GALNTL6: variants seen among roughly 807,000 people sequenced by gnomAD.
The protein encoded by GALNTL6 is polypeptide N-acetylgalactosaminyltransferase like 6.
Under a neutral mutation model 73.7 loss-of-function variants are expected in GALNTL6, and 46 were observed. The ratio of observed to expected loss-of-function variants is 0.62; its 90% CI spans 0.49 to 0.80. The LOEUF is 0.80. Among genes scored for constraint, GALNTL6 ranks in the 30% least tolerant of loss-of-function variants. The pLI, the probability that GALNTL6 is intolerant of heterozygous loss-of-function variation, is 0.00. For synonymous variants in GALNTL6, 259 were observed against 263.7 expected, an observed-to-expected ratio of 0.98 and a Z score of 0.17; for missense variants, 604 against 755.0, an observed-to-expected ratio of 0.80 and a Z score of 2.34.
At chr4:172,492,368 G>A (rs997805653) in intron 5 of GALNTL6, among the ~76,000 whole-genome samples, 24 of 152,050 alleles carry the variant, frequency 1.6e-4, no homozygotes, top group African/African-American at 5.8e-4. Flanking sequence ...ACTTCTGTCA[G>A]CTTCAAAATC....
chr4:172,880,876 T>C (rs569604801), intron 7 of GALNTL6, among the ~76,000 whole-genome samples: 1 of 152,292 alleles, frequency 6.6e-6, no homozygotes, highest in East Asian at 1.9e-4. Flanking sequence ...ATGGGTTTTG[T>C]ATAAACTCGT....
chr4:172,354,605 C>T (rs1742086914), intron 5 of GALNTL6, among the ~76,000 whole-genome samples: 1 of 151,796 alleles, frequency 6.6e-6, no homozygotes, highest in Non-Finnish European at 1.5e-5. Flanking sequence ...AATTATCCTA[C>T]AACATAAAGG....
chr4:172,462,020 C>G (rs75909288), intron 5 of GALNTL6, among the ~76,000 whole-genome samples: 2 of 152,132 alleles, frequency 1.3e-5, no homozygotes, highest in African/African-American at 2.4e-5. Flanking sequence ...TGAATTTGCT[C>G]TCTCTCCTTG....
intron 5 of GALNTL6, among the ~76,000 whole-genome samples, chr4:172,556,300 AC>A (rs1736139258): frequency 6.6e-6 from 1 of 151,772 alleles, no homozygotes; most frequent in Admixed American, 6.6e-5. Context: ...CATGATAATC[AC>A]TCTCCAGGAG....
At chr4:172,786,059 T>C (rs946168601) in intron 5 of GALNTL6, among the ~76,000 whole-genome samples, 3 of 152,078 alleles carry the variant, frequency 2.0e-5, no homozygotes, top group Non-Finnish European at 2.9e-5. Flanking sequence ...GGGGGAATTA[T>C]GTGCCTTGAA....
intron 5 of GALNTL6, among the ~76,000 whole-genome samples, chr4:172,769,381 G>A (rs1336589577): frequency 6.6e-6 from 1 of 152,108 alleles, no homozygotes; most frequent in East Asian, 1.9e-4. Context: ...GAATCAAGAG[G>A]ACTTGGCAAT....
intron 5 of GALNTL6, among the ~76,000 whole-genome samples, chr4:172,557,888 T>C (rs962710371): frequency 6.6e-6 from 1 of 152,070 alleles, no homozygotes; most frequent in Non-Finnish European, 1.5e-5. Context: ...GAAAATTAAT[T>C]TCTAGATATA....
intron 4 of GALNTL6, among the ~76,000 whole-genome samples, chr4:172,343,548 A>G (rs1295856873): frequency 6.6e-6 from 1 of 152,180 alleles, no homozygotes; most frequent in Non-Finnish European, 1.5e-5. Flanking sequence ...TTTTAATAAA[A>G]TCAATGAAAT....
chr4:171,875,282 G>A (rs1324881306), intron 2 of GALNTL6, among the ~76,000 whole-genome samples: 2 of 152,202 alleles, frequency 1.3e-5, no homozygotes, highest in African/African-American at 4.8e-5. Context: ...TAGACTCCAA[G>A]AGAGGAATGG....
At chr4:172,925,794 T>C (rs1471624013) in intron 8 of GALNTL6, among the ~76,000 whole-genome samples, 1 of 152,168 alleles carries the variant, frequency 6.6e-6, no homozygotes, top group Non-Finnish European at 1.5e-5. Context: ...ATGGAGAACC[T>C]TGTTGAGCCC....
intron 3 of GALNTL6, among the ~76,000 whole-genome samples, chr4:172,265,362 C>T (rs1248486912): frequency 6.6e-6 from 1 of 152,072 alleles, no homozygotes; most frequent in East Asian, 1.9e-4. Context: ...CTTGTAATAA[C>T]AACTCCAAGT....
At chr4:172,081,141 A>G (rs1330402848) in intron 2 of GALNTL6, among the ~76,000 whole-genome samples, 1 of 152,246 alleles carries the variant, frequency 6.6e-6, no homozygotes, top group East Asian at 1.9e-4. Context: ...AAATAGATAT[A>G]TAGACATCAA....
chr4:172,602,524 G>A (rs1342010223), intron 5 of GALNTL6, among the ~76,000 whole-genome samples: 1 of 105,324 alleles, frequency 9.5e-6, no homozygotes, highest in African/African-American at 2.9e-5. Context: ...TAAAACAACT[G>A]TCACAAAACA....
chr4:172,822,811 A>G (rs1348979400), intron 7 of GALNTL6, among the ~76,000 whole-genome samples: 4 of 152,102 alleles, frequency 2.6e-5, no homozygotes, highest in Admixed American at 2.6e-4. Flanking sequence ...TGTTATATCA[A>G]CTATTATCCA....
At chr4:172,880,211 T>C (rs552754029) in intron 7 of GALNTL6, among the ~76,000 whole-genome samples, 4 of 152,208 alleles carry the variant, frequency 2.6e-5, no homozygotes, top group African/African-American at 9.6e-5. Flanking sequence ...ACAAAGTTTA[T>C]GGCAGTTTCA....
chr4:172,061,468 G>A (rs1025706134), intron 2 of GALNTL6, among the ~76,000 whole-genome samples: 4 of 151,960 alleles, frequency 2.6e-5, no homozygotes, highest in Non-Finnish European at 5.9e-5. Context: ...TCCTTTATTT[G>A]TCTAGTGAAA....
At position 172,479,751 on chromosome 4, in the gene GALNTL6, G is replaced by A. The variant is rs181926802; in HGVS notation, c.553+131062G>A. Among the ~76,000 whole-genome samples the A allele has an allele frequency of 1.5e-3, 236 of 152,268 alleles. 1 individual carries two copies. The highest frequency in any genetic ancestry group is 1.7e-3 in the Non-Finnish European group (117 of 68,020). ...GCTTTTCTCGCTTCATGTGTTTGTC[G>A]ATGACCCACTTTAACAAAATACAAC... On this transcript the variant is annotated intron_variant, in intron 5 of 12. Coordinates refer to ENST00000506823, the MANE Select transcript of GALNTL6 (RefSeq NM_001034845.3).
At chr4:172,839,600 C>T (rs554091096) in intron 7 of GALNTL6, among the ~76,000 whole-genome samples, 1 of 152,198 alleles carries the variant, frequency 6.6e-6, no homozygotes, top group Non-Finnish European at 1.5e-5. Context: ...TTTTAAGATG[C>T]CATGGTCTGA....
intron 2 of GALNTL6, among the ~76,000 whole-genome samples, chr4:172,156,540 A>AGTATATATGTATATATATATACTAT (rs58197299): frequency 1.6e-5 from 2 of 125,186 alleles, no homozygotes; most frequent in Non-Finnish European, 3.2e-5. Context: ...ATATATATAT[A>AGTATATATGTATATATATATACTAT]ATATATATAT....
Sources: allele counts gnomAD v4.1 joint callset (sites outside exome capture counted in the v4.1 genomes callset), GRCh38; gene constraint gnomAD v4.1.1; transcripts MANE v1.5; gene names NCBI Gene and HGNC (gene_info 2026-07-23, HGNC 2026-07-21).